Variants in ADCY3 observed in about 807,000 individuals in gnomAD.
ADCY3 encodes the protein adenylate cyclase 3.
A neutral mutation model predicts 119.4 loss-of-function variants in ADCY3; 70 were observed. The ratio of observed to expected loss-of-function variants is 0.59; its 90% CI spans 0.48 to 0.72. The LOEUF (loss-of-function observed/expected upper bound fraction) is 0.72. Ranked by LOEUF, ADCY3 falls within the 30% of genes least tolerant of loss-of-function variation. The probability of loss-of-function intolerance (pLI) is 0.00; values close to 1 mark genes in which losing one functional copy is unlikely to be tolerated. For missense variants in ADCY3, 1,238 were observed against 1,541.6 expected (o/e 0.80, Z 3.30); for synonymous variants, 672 against 621.4 (o/e 1.08, Z -1.21).
At chr2:24,821,494 G>A in intron 20 of ADCY3, 23 bp downstream of exon 20, 1 of 1,612,522 alleles carries the variant, frequency 6.2e-7, no homozygotes, top group Non-Finnish European at 8.5e-7. Context: ...CTGCTGCGGG[G>A]CAGGCCAGCT....
chr2:24,819,749 G>T lies in ADCY3; in HGVS notation c.*183C>A. ...GACCCCTATGCTGGGGACACTACAG[G>T]CACACACAGGAATAGCAGGGCCACC... On this transcript the variant is annotated 3_prime_UTR_variant, in exon 22 of 22. Coordinates refer to ENST00000679454, the MANE Select transcript of ADCY3 (RefSeq NM_004036.5). The T allele has an allele frequency of 1.6e-6, 1 of 637,384 alleles. No individual in the cohort carries two copies. Among genetic ancestry groups the T allele is most frequent in the Non-Finnish European group, 2.7e-6 (1 of 367,152 alleles). 39.5% of individuals were successfully genotyped at this position (637,384 alleles called of 1,614,324 possible).
At chr2:24,871,769 T>C (rs940432743) in intron 3 of ADCY3, among the ~76,000 whole-genome samples, 2 of 152,132 alleles carry the variant, frequency 1.3e-5, no homozygotes, top group African/African-American at 4.8e-5. Context: ...AACAGGAAAT[T>C]GGTGGGTGTA....
At chr2:24,880,795 C>A (rs1288215856) in intron 2 of ADCY3, among the ~76,000 whole-genome samples, 1 of 152,188 alleles carries the variant, frequency 6.6e-6, no homozygotes, top group African/African-American at 2.4e-5. Context: ...GCGGGTGGAT[C>A]ACCTGAGGTC....
intron 17 of ADCY3, 124 bp from the exon 18 acceptor site, chr2:24,823,479 A>G: frequency 1.0e-6 from 1 of 978,240 alleles, no homozygotes; most frequent in Non-Finnish European, 1.4e-6. Flanking sequence ...CACATCAGTC[A>G]GATTATTCCA....
intron 20 of ADCY3, chr2:24,821,101 A>G (rs1667621193): frequency 2.0e-6 from 1 of 502,672 alleles, no homozygotes; most frequent in African/African-American, 2.0e-5. Context: ...CTTCTAACAC[A>G]GCTGGTATTT....
At chr2:24,915,535 G>GT (rs1291598412) in intron 2 of ADCY3, among the ~76,000 whole-genome samples, 1 of 152,078 alleles carries the variant, frequency 6.6e-6, no homozygotes, top group East Asian at 1.9e-4. Flanking sequence ...TGCAGCTTGT[G>GT]TTTTTTGTTG....
chr2:24,903,798 A>G (rs1348113598), intron 2 of ADCY3, among the ~76,000 whole-genome samples: 4 of 152,122 alleles, frequency 2.6e-5, no homozygotes, highest in Non-Finnish European at 5.9e-5. Flanking sequence ...TCTTCCCTAA[A>G]TGCAACTCGA....
At chr2:24,891,007 G>A (rs923768559) in intron 2 of ADCY3, among the ~76,000 whole-genome samples, 1 of 152,054 alleles carries the variant, frequency 6.6e-6, no homozygotes, top group African/African-American at 2.4e-5. Context: ...AAGTAAGTGG[G>A]ATTACAGGCA....
chr2:24,853,645 T>C (rs183267990), intron 3 of ADCY3, among the ~76,000 whole-genome samples: 2 of 152,126 alleles, frequency 1.3e-5, no homozygotes, highest in Admixed American at 6.5e-5. Context: ...AATTTTTATA[T>C]GTTTAGTAGA....
chr2:24,834,361 G>A lies in ADCY3; in HGVS notation c.1967+124C>T. ...GGCCTGTGGGGGCCGTCCCAGTGGGGGTCAGGGAGCAGAGACTGGCTTGCT... is the reference window on the plus strand; with the variant it reads ...GGCCTGTGGGGGCCGTCCCAGTGGGAGTCAGGGAGCAGAGACTGGCTTGCT... On this transcript the variant is annotated intron_variant, in intron 11 of 21. Transcript: ENST00000679454. The surrounding 1 kb of genome is among the most constrained non-coding windows in gnomAD (Gnocchi z 4.2). 1.6e-6 allele frequency: 2 copies of A among 1,214,918 alleles called. No homozygotes were observed. Among genetic ancestry groups the A allele is most frequent in the Non-Finnish European group, 2.3e-6 (2 of 884,452 alleles). 75.3% of individuals were successfully genotyped at this position (1,214,918 alleles called of 1,614,324 possible). A position where few individuals can be genotyped will look rare whatever the true frequency, so the allele number is the denominator to read the frequency against.
At chr2:24,911,083 T>C (rs992117987) in intron 2 of ADCY3, among the ~76,000 whole-genome samples, 6 of 152,128 alleles carry the variant, frequency 3.9e-5, no homozygotes, top group African/African-American at 1.2e-4. Context: ...CAGACATCTC[T>C]GTTCCTTGAA....
At chr2:24,900,459 C>T (rs1678776864) in intron 2 of ADCY3, among the ~76,000 whole-genome samples, 1 of 152,084 alleles carries the variant, frequency 6.6e-6, no homozygotes, top group South Asian at 2.1e-4. Context: ...GGCCATACCC[C>T]CAATCTTAAA....
Position 24,823,202 on chromosome 2 carries a change from C to A in ADCY3, c.2883+7G>T. ...TGGCCAGAGTGCAGGGTGGGATGGG[C>A]ACTCACAGAGTCAAAATCTGAGATG... On this transcript the variant is annotated splice_region_variant and intron_variant, in intron 18 of 21. Transcript: ENST00000679454. 2 of 1,611,266 alleles carry A rather than the reference C, an allele frequency of 1.2e-6. No homozygotes were observed.
chr2:24,842,185 G>C lies in ADCY3; in HGVS notation c.956+69C>G. ...CCTCTTGAAGCCCACAGCACCTAGC[G>C]GGTCCCACAAAGATGCAGCCCTCCA... On this transcript the variant is annotated intron_variant, in intron 4 of 21. Transcript: ENST00000679454. This position sits in a 1 kb window ranked among gnomAD's most constrained non-coding sequence, Gnocchi z 4.9. 1.9e-6 allele frequency: 3 copies of C among 1,603,654 alleles called. No homozygotes were observed. The highest frequency in any genetic ancestry group is 2.6e-6 in the Non-Finnish European group (3 of 1,176,068).
rs962807932 is a variant in ADCY3, at chr2:24,864,181, T to C, written c.825+8389A>G. Among the ~76,000 whole-genome samples, 3 of 152,062 alleles carry C rather than the reference T, an allele frequency of 2.0e-5. No individual in the cohort carries two copies. The South Asian group carries it at 6.2e-4, about 32-fold the overall frequency. The stretch of plus-strand genomic sequence containing the variant: ...GGTGGGCACCTGTAATCCCAGCTAC[T>C]CGGGACGCTGAAGCAGGAGAATAGC... On this transcript the variant is annotated intron_variant, in intron 3 of 21. Coordinates refer to ENST00000679454, the MANE Select transcript of ADCY3 (RefSeq NM_004036.5).
intron 13 of ADCY3, among the ~76,000 whole-genome samples, chr2:24,829,412 ATTTTTTTTTTTTTT>A (rs67246369): frequency 4.7e-5 from 3 of 63,790 alleles, no homozygotes; most frequent in Admixed American, 2.4e-4. Context: ...GTGTGCTCCA[ATTTTTTTTTTTTTT>A]TTTTTTTTTT....
intron 2 of ADCY3, among the ~76,000 whole-genome samples, chr2:24,881,747 G>C (rs1427709969): frequency 6.6e-6 from 1 of 152,240 alleles, no homozygotes; most frequent in Non-Finnish European, 1.5e-5. Flanking sequence ...GAGCCAAAAT[G>C]AAGATAAACA....
intron 19 of ADCY3, 115 bp from the exon 20 acceptor site, chr2:24,821,755 C>T: frequency 6.9e-7 from 1 of 1,443,364 alleles, no homozygotes; most frequent in Non-Finnish European, 9.3e-7. Context: ...ATGTTCAAGG[C>T]CTTACTTTTC....
At chr2:24,866,580 A>G (rs1159407537) in intron 3 of ADCY3, among the ~76,000 whole-genome samples, 7 of 150,128 alleles carry the variant, frequency 4.7e-5, no homozygotes, top group African/African-American at 1.5e-4. Flanking sequence ...AAAAAAAAAA[A>G]AAAAAGAAAA....
Sources: allele counts gnomAD v4.1 joint callset (sites outside exome capture counted in the v4.1 genomes callset), GRCh38; gene constraint gnomAD v4.1.1; non-coding constraint Gnocchi (gnomAD v3.1); transcripts MANE v1.5; gene names NCBI Gene and HGNC (gene_info 2026-07-23, HGNC 2026-07-21).